Variants in RBFOX1 observed in about 807,000 individuals in gnomAD.
RBFOX1 encodes RNA binding protein fox-1 homolog 1.
A neutral mutation model predicts 57.7 loss-of-function variants in RBFOX1; 8 were observed. The observed-to-expected ratio is 0.14, with a 90% confidence interval of 0.08 to 0.25. RBFOX1 has a LOEUF of 0.25. Ranked by LOEUF, RBFOX1 falls within the 10% of genes least tolerant of loss-of-function variation. The probability of loss-of-function intolerance (pLI) is 1.00; values close to 1 mark genes in which losing one functional copy is unlikely to be tolerated. For missense variants in RBFOX1, 611 were observed against 548.5 expected (o/e 1.11, Z -1.14); for synonymous variants, 326 against 222.4 (o/e 1.47, Z -4.15).
chr16:7,187,078 G>A (rs978603349), intron 4 of RBFOX1, among the ~76,000 whole-genome samples: 4 of 151,556 alleles, frequency 2.6e-5, no homozygotes, highest in Admixed American at 2.6e-4. Context: ...TGAGGTAGGA[G>A]GACCACTTTA....
chr16:5,983,769 A>G (rs1371622094), intron 4 of RBFOX1, among the ~76,000 whole-genome samples: 1 of 151,942 alleles, frequency 6.6e-6, no homozygotes, highest in Non-Finnish European at 1.5e-5. Context: ...GAGTATTCTG[A>G]ACAGTGATTT....
chr16:6,650,955 T>C (rs941005778), intron 2 of RBFOX1, among the ~76,000 whole-genome samples: 2 of 152,180 alleles, frequency 1.3e-5, no homozygotes, highest in East Asian at 3.9e-4. Context: ...CAGGCTGAAG[T>C]GCAATGGCAT....
intron 2 of RBFOX1, among the ~76,000 whole-genome samples, chr16:6,382,793 G>A (rs2091934513): frequency 6.6e-6 from 1 of 152,198 alleles, no homozygotes; most frequent in Non-Finnish European, 1.5e-5. Flanking sequence ...TCAGGAGGTG[G>A]AGGTTGCAGT....
At chr16:6,483,122 C>T (rs2095400135) in intron 2 of RBFOX1, 2 of 1,038,486 alleles carry the variant, frequency 1.9e-6, no homozygotes, top group African/African-American at 1.7e-5. Context: ...CCAGTATCCA[C>T]TGCCTTCCCC....
chr16:7,705,217 C>T (rs1449122083), intron 14 of RBFOX1, among the ~76,000 whole-genome samples: 3 of 151,420 alleles, frequency 2.0e-5, no homozygotes, highest in Non-Finnish European at 4.4e-5. Context: ...ATCAAGAAAG[C>T]CTGTGTGGGC....
intron 2 of RBFOX1, among the ~76,000 whole-genome samples, chr16:6,356,794 T>C (rs1297310878): frequency 2.6e-5 from 4 of 152,210 alleles, no homozygotes; most frequent in Admixed American, 6.5e-5. Flanking sequence ...TATCGGTTTA[T>C]TAATCTGACA....
At chr16:5,459,116 G>A (rs1289348754) in intron 1 of RBFOX1, among the ~76,000 whole-genome samples, 1 of 152,202 alleles carries the variant, frequency 6.6e-6, no homozygotes, top group African/African-American at 2.4e-5. Context: ...GACTCTCAGA[G>A]TCTCTGGTGA....
chr16:6,105,943 G>T (rs1329944432), intron 1 of RBFOX1, among the ~76,000 whole-genome samples: 2 of 151,222 alleles, frequency 1.3e-5, no homozygotes, highest in Admixed American at 6.6e-5. Context: ...AACATTTTTG[G>T]ATACACCATC....
At chr16:5,706,426 C>A (rs527639755) in intron 3 of RBFOX1, among the ~76,000 whole-genome samples, 1 of 152,260 alleles carries the variant, frequency 6.6e-6, no homozygotes, top group Admixed American at 6.5e-5. Context: ...GGAAACCTGC[C>A]CTCTTATTTC....
At chr16:6,387,541 C>A (rs948932692) in intron 2 of RBFOX1, among the ~76,000 whole-genome samples, 12 of 151,004 alleles carry the variant, frequency 7.9e-5, no homozygotes, top group Non-Finnish European at 1.2e-4. Context: ...AACTTAAATT[C>A]AAGATATTTG....
chr16:5,460,202 T>G (rs2068748044), intron 1 of RBFOX1, among the ~76,000 whole-genome samples: 1 of 152,202 alleles, frequency 6.6e-6, no homozygotes, highest in African/African-American at 2.4e-5. Context: ...AAGAGGGGTC[T>G]TGGAACCAGA....
intron 1 of RBFOX1, among the ~76,000 whole-genome samples, chr16:6,201,142 C>T (rs994127966): frequency 2.6e-5 from 4 of 152,168 alleles, no homozygotes; most frequent in Admixed American, 1.3e-4. Flanking sequence ...GGATTTCATT[C>T]TTTGTGTAGC....
At chr16:7,322,492 G>C (rs1358946684) in intron 4 of RBFOX1, among the ~76,000 whole-genome samples, 2 of 152,228 alleles carry the variant, frequency 1.3e-5, no homozygotes, top group Admixed American at 1.3e-4. Context: ...TTAGTAGAAA[G>C]TACAGCACAT....
intron 2 of RBFOX1, among the ~76,000 whole-genome samples, chr16:6,430,085 G>A (rs777102155): frequency 6.6e-6 from 1 of 151,612 alleles, no homozygotes; most frequent in Non-Finnish European, 1.5e-5. Flanking sequence ...TCCAGCCTGG[G>A]CAACAAGAGC....
chr16:7,069,481 G>A (rs567605695), intron 4 of RBFOX1, among the ~76,000 whole-genome samples: 2 of 152,256 alleles, frequency 1.3e-5, no homozygotes, highest in African/African-American at 4.8e-5. Context: ...GTTCACTGAG[G>A]ATAATGGCTT....
intron 2 of RBFOX1, among the ~76,000 whole-genome samples, chr16:6,487,721 ATATATATATATATATATATATATATATAT>A (rs1244855139): frequency 0.01 from 225 of 22,086 alleles, 9 homozygotes; most frequent in Admixed American, 0.046. Flanking sequence ...ATATATATAT[ATATATATATATATATATATATATATATAT>A]ATATAAAATA....
chr16:5,926,335 G>C (rs1360137760), intron 4 of RBFOX1, among the ~76,000 whole-genome samples: 1 of 152,246 alleles, frequency 6.6e-6, no homozygotes, highest in Non-Finnish European at 1.5e-5. Flanking sequence ...AGAAGGGTTG[G>C]GGCTGGAACA....
At chr16:7,316,515 T>C (rs751712607) in intron 4 of RBFOX1, among the ~76,000 whole-genome samples, 1 of 152,204 alleles carries the variant, frequency 6.6e-6, no homozygotes. Context: ...GTCTCAGAGA[T>C]TGGGTTGGTC....
intron 3 of RBFOX1, among the ~76,000 whole-genome samples, chr16:5,657,140 A>G (rs1278544750): frequency 6.6e-6 from 1 of 152,160 alleles, no homozygotes; most frequent in East Asian, 1.9e-4. Flanking sequence ...TATATGTGGT[A>G]TACATCTCTT....
Sources: gnomAD v4.1 joint callset for allele counts (sites outside exome capture counted in the v4.1 genomes callset) on GRCh38, gnomAD v4.1.1 for gene constraint, MANE v1.5 for transcripts, NCBI Gene and HGNC (gene_info 2026-07-23, HGNC 2026-07-21) for gene names.